The following NLGN1 variants were observed in gnomAD, a reference collection of about 807,000 sequenced individuals.
The protein encoded by NLGN1 is neuroligin-1.
A neutral mutation model predicts 65.5 loss-of-function variants in NLGN1; 12 were observed. The ratio of observed to expected loss-of-function variants is 0.18; its 90% CI spans 0.12 to 0.30. The LOEUF (loss-of-function observed/expected upper bound fraction) is 0.30. NLGN1 is among the 10% of genes least tolerant of loss of function. The probability of loss-of-function intolerance (pLI) is 1.00; values close to 1 mark genes in which losing one functional copy is unlikely to be tolerated. For missense variants in NLGN1, 750 were observed against 1,007.1 expected (o/e 0.74, Z 3.46); for synonymous variants, 350 against 359.5 (o/e 0.97, Z 0.30).
At chr3:174,184,093 A>G (rs186677772) in intron 4 of NLGN1, among the ~76,000 whole-genome samples, 98 of 152,322 alleles carry the variant, frequency 6.4e-4, no homozygotes, top group African/African-American at 2.2e-3. Context: ...GGATATCTTT[A>G]GAATTTTCTT....
At chr3:174,196,791 A>G (rs1733505862) in intron 4 of NLGN1, among the ~76,000 whole-genome samples, 1 of 152,354 alleles carries the variant, frequency 6.6e-6, no homozygotes, top group East Asian at 1.9e-4. Context: ...ATAGAAAAAA[A>G]TAGCTAACAC....
At chr3:173,800,774 A>G (rs74434989) in intron 3 of NLGN1, among the ~76,000 whole-genome samples, 2,409 of 151,968 alleles carry the variant, frequency 0.016, 75 homozygotes, top group African/African-American at 0.055. Flanking sequence ...TACATTCGAC[A>G]TTTGTTTTAA....
chr3:174,101,078 T>G (rs1397774829), intron 4 of NLGN1, among the ~76,000 whole-genome samples: 1 of 152,142 alleles, frequency 6.6e-6, no homozygotes, highest in Non-Finnish European at 1.5e-5. Flanking sequence ...AGGTAGTTGC[T>G]GAAAATTTTT....
intron 4 of NLGN1, among the ~76,000 whole-genome samples, chr3:174,104,132 G>C (rs1411574213): frequency 6.6e-6 from 1 of 151,748 alleles, no homozygotes; most frequent in Non-Finnish European, 1.5e-5. Context: ...GTTTCAAATC[G>C]TCCTTCTTTA....
chr3:173,661,207 A>G (rs543632032), intron 3 of NLGN1, among the ~76,000 whole-genome samples: 1 of 152,080 alleles, frequency 6.6e-6, no homozygotes, highest in East Asian at 1.9e-4. Flanking sequence ...AAAATTTTGT[A>G]TAGTTTCTCT....
intron 4 of NLGN1, among the ~76,000 whole-genome samples, chr3:173,888,828 G>T (rs888855700): frequency 6.6e-6 from 1 of 152,022 alleles, no homozygotes; most frequent in Middle Eastern, 3.2e-3. Context: ...CAGTTAAAAT[G>T]AAAGCTCAGA....
intron 4 of NLGN1, among the ~76,000 whole-genome samples, chr3:173,967,187 T>C (rs1399156555): frequency 6.6e-6 from 1 of 152,114 alleles, no homozygotes; most frequent in Non-Finnish European, 1.5e-5. Context: ...AATGGAGTGA[T>C]TGTAAGCACA....
At chr3:173,443,169 T>C (rs1719519124) in intron 2 of NLGN1, among the ~76,000 whole-genome samples, 3 of 151,670 alleles carry the variant, frequency 2.0e-5, no homozygotes, top group Non-Finnish European at 2.9e-5. Context: ...ATCGCAGGAA[T>C]TGGAGGCTGC....
intron 4 of NLGN1, among the ~76,000 whole-genome samples, chr3:174,226,617 C>G (rs1350619543): frequency 1.3e-5 from 2 of 152,120 alleles, no homozygotes; most frequent in African/African-American, 4.8e-5. Flanking sequence ...TAAAAAGACT[C>G]ATGATGCACT....
At chr3:174,023,436 G>T (rs1728174810) in intron 4 of NLGN1, among the ~76,000 whole-genome samples, 1 of 152,094 alleles carries the variant, frequency 6.6e-6, no homozygotes, top group Non-Finnish European at 1.5e-5. Context: ...AAAAACGCTG[G>T]CATCTGCTTG....
At chr3:174,068,903 A>T (rs1372411065) in intron 4 of NLGN1, among the ~76,000 whole-genome samples, 1 of 152,202 alleles carries the variant, frequency 6.6e-6, no homozygotes, top group Non-Finnish European at 1.5e-5. Context: ...GTGTGTGCCG[A>T]TGCTGTGGGG....
At chr3:173,940,131 G>A (rs564836385) in intron 4 of NLGN1, among the ~76,000 whole-genome samples, 1 of 115,668 alleles carries the variant, frequency 8.6e-6, no homozygotes, top group South Asian at 2.7e-4. Flanking sequence ...TCTTGTTGCC[G>A]AGGCTGGAGT....
intron 2 of NLGN1, among the ~76,000 whole-genome samples, chr3:173,602,055 C>G (rs926988396): frequency 5.3e-5 from 8 of 151,986 alleles, no homozygotes; most frequent in Non-Finnish European, 8.8e-5. Context: ...GCAACGGGCT[C>G]CTGGATCTGC....
At position 173,791,122 on chromosome 3, in the gene NLGN1, G is replaced by A. The variant is rs939362541; in HGVS notation, c.494-16558G>A. Reference sequence around the variant, plus strand: ...TATCTGCATAGAGTACTGTGACTGGGTGTGGTAGCCCCACTGATGCTAAAC... The same window carrying A: ...TATCTGCATAGAGTACTGTGACTGGATGTGGTAGCCCCACTGATGCTAAAC... On this transcript the variant is annotated intron_variant, in intron 3 of 6. Transcript: ENST00000457714. Among the ~76,000 whole-genome samples, 9 of 152,292 alleles carry A rather than the reference G, an allele frequency of 5.9e-5. No homozygotes were observed. The South Asian group carries it at 1.0e-3, about 18-fold the overall frequency.
chr3:174,139,159 C>T (rs909442247), intron 4 of NLGN1, among the ~76,000 whole-genome samples: 5 of 151,844 alleles, frequency 3.3e-5, no homozygotes, highest in Non-Finnish European at 7.4e-5. Flanking sequence ...GGTTCATTCT[C>T]GGTGTTGTAC....
At chr3:174,181,882 G>T (rs1730490885) in intron 4 of NLGN1, among the ~76,000 whole-genome samples, 1 of 149,636 alleles carries the variant, frequency 6.7e-6, no homozygotes, top group Non-Finnish European at 1.5e-5. Flanking sequence ...ATGCTGAGGT[G>T]GGAAAATCAC....
intron 2 of NLGN1, among the ~76,000 whole-genome samples, chr3:173,444,151 TAC>T (rs1448542830): frequency 6.6e-6 from 1 of 152,228 alleles, no homozygotes; most frequent in Non-Finnish European, 1.5e-5. Flanking sequence ...AATTTAGAAT[TAC>T]AGTCTTGTTT....
chr3:174,043,366 C>T (rs1199096119), intron 4 of NLGN1, among the ~76,000 whole-genome samples: 5 of 152,078 alleles, frequency 3.3e-5, no homozygotes, highest in East Asian at 1.9e-4. Context: ...AGTCCAAGTC[C>T]GAAGTCTCAT....
At chr3:173,557,474 A>G (rs1218270561) in intron 2 of NLGN1, among the ~76,000 whole-genome samples, 6 of 151,966 alleles carry the variant, frequency 3.9e-5, no homozygotes, top group Non-Finnish European at 7.4e-5. Flanking sequence ...GTTGAAGTCT[A>G]CTTTCTTTTA....
Sources: gnomAD v4.1 joint callset for allele counts (sites outside exome capture counted in the v4.1 genomes callset) on GRCh38, gnomAD v4.1.1 for gene constraint, MANE v1.5 for transcripts, NCBI Gene and HGNC (gene_info 2026-07-23, HGNC 2026-07-21) for gene names.